The following FGF13 variants were observed in gnomAD, a reference collection of about 807,000 sequenced individuals.
FGF13 encodes fibroblast growth factor 13.
Under a neutral mutation model 19.5 loss-of-function variants are expected in FGF13, and 2 were observed. That is an observed-to-expected ratio of 0.10 (90% CI 0.04 to 0.32). The LOEUF (loss-of-function observed/expected upper bound fraction) is 0.32. Ranked by LOEUF, FGF13 falls within the 10% of genes least tolerant of loss-of-function variation. FGF13 has a pLI of 1.00. For missense variants in FGF13, 113 were observed against 192.7 expected, an observed-to-expected ratio of 0.59 and a Z score of 2.45; for synonymous variants, 72 against 76.9, an observed-to-expected ratio of 0.94 and a Z score of 0.33.
intron 3 of FGF13, among the ~76,000 whole-genome samples, chrX:138,812,711 T>G (rs2090935173): frequency 8.9e-6 from 1 of 111,925 alleles, no homozygotes; most frequent in Non-Finnish European, 1.9e-5. Flanking sequence ...AAAAATTTTT[T>G]GGATTTTAAA....
At chrX:138,778,956 G>C (rs890002693) in intron 3 of FGF13, among the ~76,000 whole-genome samples, 2 of 112,276 alleles carry the variant, frequency 1.8e-5, no homozygotes, top group East Asian at 5.7e-4. Flanking sequence ...CTTCCAGCAC[G>C]AGCTGGAGAT....
At chrX:138,769,263 T>A (rs749106887) in intron 3 of FGF13, among the ~76,000 whole-genome samples, 1 of 111,657 alleles carries the variant, frequency 9.0e-6, no homozygotes, top group African/African-American at 3.3e-5. Context: ...GGATTTATAG[T>A]AAGCTTAACA....
chrX:138,682,064 G>C (rs2089734752), intron 3 of FGF13, among the ~76,000 whole-genome samples: 2 of 112,381 alleles, frequency 1.8e-5, no homozygotes, highest in African/African-American at 6.5e-5. Flanking sequence ...GGCGCTGATA[G>C]ATTTTCTTGA....
chrX:138,942,857 G>T (rs776495249), intron 1 of FGF13, among the ~76,000 whole-genome samples: 68 of 110,691 alleles, frequency 6.1e-4, no homozygotes, highest in African/African-American at 2.0e-3. Context: ...TGTTTTTTTT[G>T]TTTGTTTGTT....
At chrX:139,026,956 T>C (rs779131203) in intron 1 of FGF13, among the ~76,000 whole-genome samples, 1 of 111,763 alleles carries the variant, frequency 8.9e-6, no homozygotes, top group African/African-American at 3.3e-5. Flanking sequence ...TTTGAGTAAT[T>C]CTCCTCCCCA....
At chrX:138,726,604 C>T (rs1464581293) in intron 1 of FGF13, among the ~76,000 whole-genome samples, 7 of 111,825 alleles carry the variant, frequency 6.3e-5, no homozygotes, top group Non-Finnish European at 1.3e-4. Flanking sequence ...TACATTTTGA[C>T]AAAAAGTCAT....
At chrX:139,197,165 C>A (rs2084378593) in intron 1 of FGF13, among the ~76,000 whole-genome samples, 1 of 112,065 alleles carries the variant, frequency 8.9e-6, no homozygotes, top group South Asian at 3.7e-4. Context: ...CATATGCATT[C>A]ATCATTTATT....
intron 1 of FGF13, among the ~76,000 whole-genome samples, chrX:138,997,131 A>T (rs5929963): frequency 0.5 from 55,148 of 110,655 alleles, 10,156 homozygotes; most frequent in Middle Eastern, 0.63. Flanking sequence ...AAGGAATAGC[A>T]TCAAATCAAC....
chrX:138,710,720 G>A, intron 1 of FGF13, 97 bp downstream of exon 1: 1 of 1,143,443 alleles, frequency 8.7e-7, no homozygotes, highest in South Asian at 2.1e-5. Flanking sequence ...GCACAAGATG[G>A]GCCACCAACA....
intron 1 of FGF13, among the ~76,000 whole-genome samples, chrX:138,718,269 C>T (rs1326321954): frequency 8.9e-6 from 1 of 111,868 alleles, no homozygotes; most frequent in African/African-American, 3.3e-5. Context: ...GAATCAGAGG[C>T]AAAATATCTG....
chrX:139,187,835 C>A (rs1358142294), intron 1 of FGF13, among the ~76,000 whole-genome samples: 2 of 111,956 alleles, frequency 1.8e-5, no homozygotes, highest in African/African-American at 6.5e-5. Context: ...ATGAGAGTGG[C>A]ATAATTCAGG....
chrX:139,172,219 G>A (rs761302674), intron 1 of FGF13, among the ~76,000 whole-genome samples: 2 of 111,818 alleles, frequency 1.8e-5, no homozygotes, highest in East Asian at 2.8e-4. Flanking sequence ...GTTTTAACTC[G>A]TAAATATCAG....
At chrX:138,992,522 T>C (rs2092021233) in intron 1 of FGF13, among the ~76,000 whole-genome samples, 1 of 111,077 alleles carries the variant, frequency 9.0e-6, no homozygotes, top group Non-Finnish European at 1.9e-5. Flanking sequence ...TTCATTATTT[T>C]ATATAGCATG....
At position 138,956,222 on chromosome X, in the gene FGF13, T is replaced by C. The variant is rs1378888395; in HGVS notation, c.-112-91572A>G. Reference sequence around the variant, plus strand: ...GGCACTTTGTCGAGGAAAAAGAGGATGCTTTTGACTATGATGTATATTTGA... The same window carrying C: ...GGCACTTTGTCGAGGAAAAAGAGGACGCTTTTGACTATGATGTATATTTGA... On this transcript the variant is annotated intron_variant, in intron 1 of 2. Coordinates refer to the FGF13 transcript ENST00000421460. Among the ~76,000 whole-genome samples the C allele has an allele frequency of 1.3e-4, 15 of 111,543 alleles. 1 individual carries two copies.
chrX:139,083,083 T>C (rs766968622), intron 1 of FGF13, among the ~76,000 whole-genome samples: 11 of 110,609 alleles, frequency 9.9e-5, no homozygotes, highest in Non-Finnish European at 2.1e-4. Flanking sequence ...TCTCCCTCCC[T>C]CTCTCTCTCC....
Position 138,710,555 on chromosome X carries a change from T to C in FGF13, c.187+262A>G, listed in dbSNP as rs781518989. On this transcript the variant is annotated intron_variant, in intron 1 of 4. Transcript: ENST00000315930. ...CCACCGGGCATGCACATATGTGACATGTCCGAAGCTGAGGGCAAGCCACCC... is the reference window on the plus strand; with the variant it reads ...CCACCGGGCATGCACATATGTGACACGTCCGAAGCTGAGGGCAAGCCACCC... Among the ~76,000 whole-genome samples the C allele has an allele frequency of 5.4e-5, 6 of 112,023 alleles. No individual in the cohort carries two copies. The South Asian group carries it at 2.3e-3, about 42-fold the overall frequency.
rs1475897958 is a variant in FGF13, at chrX:138,849,839, AT to A, written c.217+7672del. Reference sequence around the variant, plus strand: ...TTCCAGATGTTTTCAAGTATCTTTGATTTTGACTTTTTAAAATCAAAATCAC... The same window carrying A: ...TTCCAGATGTTTTCAAGTATCTTTGATTTGACTTTTTAAAATCAAAATCAC... On this transcript the variant is annotated intron_variant, in intron 3 of 6. Transcript: ENST00000436198. Among the ~76,000 whole-genome samples, 11 of 111,998 alleles carry A rather than the reference AT, an allele frequency of 9.8e-5. No homozygotes were observed. The Admixed American group carries it at 1.0e-3, about 11-fold the overall frequency.
In FGF13 at chrX:138,978,266, G is replaced by GTTTTTTTTTTTTTTTTTTTTTTTTTT. The variant is rs10666140; in HGVS notation, c.-112-113617_-112-113616insAAAAAAAAAAAAAAAAAAAAAAAAAA. Among the ~76,000 whole-genome samples the GTTTTTTTTTTTTTTTTTTTTTTTTTT allele has an allele frequency of 1.6e-3, 136 of 82,877 alleles. 7 individuals carry two copies. The highest frequency in any genetic ancestry group is 3.7e-3 in the East Asian group (9 of 2,419). The allele number at this position is 82,877 out of a possible 115,157, so 72.0% of individuals were successfully genotyped here. A position where few individuals can be genotyped will look rare whatever the true frequency, so the allele number is the denominator to read the frequency against. On this transcript the variant is annotated intron_variant, in intron 1 of 2. Transcript: ENST00000421460. ...TAATCTCTATGGGCTAGCTGCCCTG[G>GTTTTTTTTTTTTTTTTTTTTTTTTTT]TTTTTTTTTTTTTTGAGATGGAGTC...
intron 1 of FGF13, among the ~76,000 whole-genome samples, chrX:138,880,715 C>G (rs1258958934): frequency 8.9e-6 from 1 of 112,279 alleles, no homozygotes; most frequent in Non-Finnish European, 1.9e-5. Context: ...ACTTAGCACT[C>G]TTTCAAAAAT....
Sources: gnomAD v4.1 joint callset for allele counts (sites outside exome capture counted in the v4.1 genomes callset) on GRCh38, gnomAD v4.1.1 for gene constraint, MANE v1.5 for transcripts, NCBI Gene and HGNC (gene_info 2026-07-23, HGNC 2026-07-21) for gene names.